Variants in IGSF22 observed in about 807,000 individuals in gnomAD.
The protein encoded by IGSF22 is immunoglobulin superfamily member 22.
In IGSF22, 119 loss-of-function variants were observed where a neutral mutation model predicts 127.0. The ratio of observed to expected loss-of-function variants is 0.94; its 90% CI spans 0.81 to 1.09. The LOEUF is 1.09. Ranked by LOEUF, IGSF22 falls within the 50% of genes least tolerant of loss-of-function variation. The pLI is 0.00. For missense variants in IGSF22, 1,518 were observed against 1,716.6 expected (o/e 0.88, Z 2.04); for synonymous variants, 568 against 664.7 (o/e 0.85, Z 2.24).
Position 18,724,160 on chromosome 11 carries a change from T to C in IGSF22, c.77A>G (p.Gln26Arg), listed in dbSNP as rs756051638. ...GATCTTGGTTGTCTGGGAGAAGGTC[T>C]GCACGTGGGTGGTGGAGCTGGAGAA... ...MEFSSSTTHV[Q>R]TFSQTTKIVG... Residue 26 changes from glutamine (Q) to arginine (R), a missense_variant, in exon 2 of 23, where the codon CAG becomes CGG. Physicochemically the swap from Gln to Arg is conservative, Grantham distance 43. Coordinates refer to ENST00000513874, the MANE Select transcript of IGSF22 (RefSeq NM_173588.4). The C allele has an allele frequency of 3.1e-6, 5 of 1,613,976 alleles. No individual in the cohort carries two copies. The highest frequency in any genetic ancestry group is 1.3e-5 in the African/African-American group (1 of 75,054).
chr11:18,724,289 C>T lies in IGSF22; in HGVS notation c.-33-20G>A. On this transcript the variant is annotated intron_variant, in intron 1 of 22. Coordinates refer to ENST00000513874, the MANE Select transcript of IGSF22 (RefSeq NM_173588.4). The stretch of plus-strand genomic sequence containing the variant: ...GTGAGACTGGGGAAGAGGATGAGGC[C>T]ATGAAGGACAAGACAGGGAGTAGGA... 6 of 1,290,644 alleles carry T rather than the reference C, an allele frequency of 4.6e-6. No homozygotes were observed. The highest frequency in any genetic ancestry group is 6.7e-6 in the Non-Finnish European group (6 of 890,080). The allele number at this position is 1,290,644 out of a possible 1,614,324, so 79.9% of individuals were successfully genotyped here.
At position 18,717,924 on chromosome 11, in the gene IGSF22, C is replaced by T. The variant is rs760744460; in HGVS notation, c.973+7G>A. 1 of 1,612,640 alleles carries T rather than the reference C, an allele frequency of 6.2e-7. No homozygotes were observed. On this transcript the variant is annotated splice_region_variant and intron_variant, in intron 9 of 22. Transcript: ENST00000513874. The stretch of plus-strand genomic sequence containing the variant: ...CTCCTTGTGCCCTTGCATGCCCCCA[C>T]TCATACCCAGCACTGTGAGCTCTGC...
chr11:18,707,119 G>A lies in IGSF22; in HGVS notation c.3375C>T (p.Asp1125=), dbSNP rs377525445. 16 of 1,551,518 alleles carry A rather than the reference G, an allele frequency of 1.0e-5. No individual in the cohort carries two copies. In the African/African-American group the frequency reaches 1.1e-4, roughly 11 times the overall value. ...TCATGATGATGTAGTGAGCCTCACC[G>A]TCCTCCTGCACATCTGGGCTGTGGT... is the stretch of plus-strand genomic sequence containing the variant. ...TWNHSPDVQE[D]GEAHYIIMKR... is the part of the protein sequence containing the mutation. Residue 1125 remains aspartate (D), a synonymous_variant, in exon 21 of 23, where the codon GAC becomes GAT. Transcript: ENST00000513874.
At chr11:18,717,047 A>AG (rs1198325472) in intron 9 of IGSF22, 47 bp from the exon 10 acceptor site, 1 of 1,597,036 alleles carries the variant, frequency 6.3e-7, no homozygotes. Flanking sequence ...GTCCCTCCTG[A>AG]GGGGTGGAGT....
rs1188113924 is a variant in IGSF22 at position 18,718,690 on chromosome 11, G to T, written c.735C>A (p.Thr245=). ...RILKPLEDKE[T]KVDTTVVFDC... ...CAAAGACCACTGTGGTGTCAACCTT[G>T]GTCTCTTTGTCTTCCAGGGGCTTCA... The change falls in exon 8 of 23, where the codon ACC becomes ACA. Residue 245 remains threonine, a synonymous_variant. Coordinates refer to ENST00000513874, the MANE Select transcript of IGSF22 (RefSeq NM_173588.4). 6.2e-7 allele frequency: 1 copy of T among 1,613,296 alleles called. No homozygotes were observed. The highest frequency in any genetic ancestry group is 8.5e-7 in the Non-Finnish European group (1 of 1,179,316).
intron 1 of IGSF22, among the ~76,000 whole-genome samples, chr11:18,725,483 C>A (rs35185666): frequency 0.14 from 20,986 of 151,840 alleles, 1,849 homozygotes; most frequent in Admixed American, 0.22. Context: ...CTCTGTTGCC[C>A]AGGCTGGAGT....
chr11:18,721,897 G>A lies in IGSF22; in HGVS notation c.241+13C>T. The stretch of plus-strand genomic sequence containing the variant: ...AAGCACTGGAGCCCGGTGAGCCACA[G>A]GCAGCAACACACCCTCGGGCGCGGT... On this transcript the variant is annotated intron_variant, in intron 3 of 22. Transcript: ENST00000513874. The A allele has an allele frequency of 6.2e-7, 1 of 1,612,076 alleles. No individual in the cohort carries two copies. Among genetic ancestry groups the A allele is most frequent in the Non-Finnish European group, 8.5e-7 (1 of 1,180,024 alleles).
intron 21 of IGSF22, chr11:18,706,645 A>C: frequency 2.4e-6 from 1 of 412,184 alleles, no homozygotes. Context: ...CCCTCAGAGC[A>C]GAACGCGTTT....
rs771472830 is a variant in IGSF22 at position 18,720,100 on chromosome 11, T to A, written c.482A>T (p.Gln161Leu). The change falls in exon 6 of 23, where the codon CAA becomes CTA. Residue 161 changes from glutamine to leucine, a missense_variant. By Grantham distance (113) the Gln-to-Leu change is moderately radical. Around this residue, in one of 3 missense-constraint regions of IGSF22, gnomAD observed 1,456 missense variants for 1,644.9 expected, o/e 0.89. Coordinates refer to ENST00000513874, the MANE Select transcript of IGSF22 (RefSeq NM_173588.4). ...CATCTTTTTGAAGTCCATTTTCTCT[T>A]GACCTGAGGATAGACAGAGGGACAG... The part of the protein sequence containing the change: ...YTVSLLVTEG[Q>L]EKMDFKKMLK... 2.5e-6 allele frequency: 4 copies of A among 1,614,208 alleles called. No homozygotes were observed. In the Admixed American group the frequency reaches 6.7e-5, roughly 27 times the overall value.
At chr11:18,713,812 G>C (rs1468569030) in intron 14 of IGSF22, 40 bp downstream of exon 14, 1 of 1,492,350 alleles carries the variant, frequency 6.7e-7, no homozygotes, top group African/African-American at 1.4e-5. Flanking sequence ...GGCAGCAGGT[G>C]CCCTCAGCTC....
At chr11:18,714,769 A>G (rs1179455049) in intron 11 of IGSF22, 145 bp from the exon 12 acceptor site, 6 of 849,838 alleles carry the variant, frequency 7.1e-6, no homozygotes, top group Middle Eastern at 4.2e-4. Flanking sequence ...CGGCTTGCCA[A>G]TGTGGTCAAT....
In IGSF22 at chr11:18,712,294, C is replaced by T. The variant is rs558070825; in HGVS notation, c.2186G>A (p.Gly729Asp). The T allele has an allele frequency of 1.9e-6, 3 of 1,551,736 alleles. No homozygotes were observed. In the South Asian group the frequency reaches 3.6e-5, roughly 18 times the overall value. The change falls in exon 15 of 23, where the codon GGT becomes GAT. Residue 729 changes from glycine to aspartate, a missense_variant. Physicochemically the swap from Gly to Asp is moderately conservative, Grantham distance 94 (BLOSUM62 -1). Transcript: ENST00000513874. ...HMKWKAPKDN[G>D]GRPVTQFIVE... ...TATGAACTGTGTCACAGGTCGTCCACCATTGTCCTTTGGGGCCTTCCACTT... is the reference window on the plus strand; with the variant it reads ...TATGAACTGTGTCACAGGTCGTCCATCATTGTCCTTTGGGGCCTTCCACTT...
rs943367350 is a variant in IGSF22, at chr11:18,722,174, C to CT, written c.110-134dup. 5.8e-6 allele frequency: 6 copies of CT among 1,031,258 alleles called. No individual in the cohort carries two copies. The African/African-American group carries it at 9.5e-5, about 16-fold the overall frequency. 63.9% of individuals were successfully genotyped at this position (1,031,258 alleles called of 1,614,324 possible). A position where few individuals can be genotyped will look rare whatever the true frequency, so the allele number is the denominator to read the frequency against. On this transcript the variant is annotated intron_variant, in intron 2 of 22. Coordinates refer to ENST00000513874, the MANE Select transcript of IGSF22 (RefSeq NM_173588.4). ...TTTAGGGAAGTGGGAGCAGGACCAGCTACATGGGGAGAAAGCAGGGTGAGT... is the reference window on the plus strand; with the variant it reads ...TTTAGGGAAGTGGGAGCAGGACCAGCTTACATGGGGAGAAAGCAGGGTGAGT...
chr11:18,719,800 C>T lies in IGSF22; in HGVS notation c.612G>A (p.Glu204=). 11 of 1,614,238 alleles carry T rather than the reference C, an allele frequency of 6.8e-6. No individual in the cohort carries two copies. The highest frequency in any genetic ancestry group is 9.3e-6 in the Non-Finnish European group (11 of 1,180,042). Residue 204 remains glutamate, a synonymous_variant, in exon 7 of 23, where the codon GAG becomes GAA. Transcript: ENST00000513874. ...ILSKVPKKDF[E]KVCMEYGFTD... The stretch of plus-strand genomic sequence containing the variant: ...TGAAACCATACTCCATGCACACCTT[C>T]TCAAAGTCTTTCTTGGGCACTTTGG...
Position 18,714,092 on chromosome 11 carries a change from C to T in IGSF22, c.1855G>A (p.Val619Met), listed in dbSNP as rs367726129. 4.2e-5 allele frequency: 68 copies of T among 1,614,146 alleles called. No individual in the cohort carries two copies. Among genetic ancestry groups the T allele is most frequent in the Non-Finnish European group, 5.3e-5 (62 of 1,180,050 alleles). Residue 619 changes from valine (V) to methionine (M), a missense_variant, in exon 14 of 23, where the codon GTG becomes ATG. Coordinates refer to ENST00000513874, the MANE Select transcript of IGSF22 (RefSeq NM_173588.4). ...LEALAAHAIT[V>M]KVGHTAHIKV... ...ATGTGGGCCGTGTGGCCTACCTTCA[C>T]AGTGATGGCGTGCGCAGCCAGTGCC... is the stretch of plus-strand genomic sequence containing the variant.
intron 20 of IGSF22, chr11:18,707,417 T>G: frequency 1.8e-6 from 1 of 550,478 alleles, no homozygotes; most frequent in African/African-American, 1.9e-5. Flanking sequence ...CTGAGACTTC[T>G]TTCCTCAATT....
chr11:18,711,104 T>C (rs1848347868), intron 15 of IGSF22, among the ~76,000 whole-genome samples: 1 of 151,432 alleles, frequency 6.6e-6, no homozygotes. Flanking sequence ...GCTTGCACAT[T>C]AACATCAAGT....
chr11:18,707,219 A>G lies in IGSF22; in HGVS notation c.3281-6T>C, dbSNP rs1848256327. 4.6e-6 allele frequency: 7 copies of G among 1,517,518 alleles called. No homozygotes were observed. In the East Asian group the frequency reaches 1.7e-4, roughly 38 times the overall value. The allele number at this position is 1,517,518 out of a possible 1,614,324, so 94.0% of individuals were successfully genotyped here. On this transcript the variant is annotated splice_polypyrimidine_tract_variant and splice_region_variant and intron_variant, in intron 20 of 22. Transcript: ENST00000513874. ...TGTGGGGGGCCGAGGGAAATCTGGA[A>G]GAGTTGGAAGATCTGTCAGCGACCT...
intron 2 of IGSF22, 123 bp from the exon 3 acceptor site, chr11:18,722,164 G>T: frequency 8.8e-7 from 1 of 1,137,446 alleles, no homozygotes; most frequent in Non-Finnish European, 1.3e-6. Flanking sequence ...GGAAGTGGGA[G>T]CAGGACCAGC....
Sources: allele counts gnomAD v4.1 joint callset (sites outside exome capture counted in the v4.1 genomes callset), GRCh38; gene constraint gnomAD v4.1.1; regional missense constraint gnomAD v4.1.1; transcripts MANE v1.5; gene names NCBI Gene and HGNC (gene_info 2026-07-23, HGNC 2026-07-21).